HERC3: variants seen among roughly 807,000 people sequenced by gnomAD.
HERC3 encodes the protein HECT and RLD domain containing E3 ubiquitin protein ligase 3.
A neutral mutation model predicts 129.9 loss-of-function variants in HERC3; 58 were observed. The ratio of observed to expected loss-of-function variants is 0.45; its 90% CI spans 0.36 to 0.56. HERC3 has a LOEUF of 0.56. Among genes scored for constraint, HERC3 ranks in the 20% least tolerant of loss-of-function variants. The pLI is 0.00. For missense variants in HERC3, 835 were observed against 1,244.2 expected (o/e 0.67, Z 4.95); for synonymous variants, 430 against 451.0 (o/e 0.95, Z 0.59).
At chr4:88,649,703 T>G (rs755304315) in intron 3 of HERC3, 137 bp from the exon 4 acceptor site, 62 of 701,020 alleles carry the variant, frequency 8.8e-5, no homozygotes, top group Non-Finnish European at 1.4e-4. Flanking sequence ...TATGTGAAAT[T>G]TATAATCTCT....
chr4:88,593,175 C>A (rs548795623), intron 1 of HERC3: 24 of 152,266 alleles, frequency 1.6e-4, no homozygotes, highest in African/African-American at 5.8e-4. Flanking sequence ...CCACCCACTT[C>A]GCGGAGGCCG....
intron 23 of HERC3, chr4:88,692,944 C>A: frequency 1.0e-6 from 1 of 985,176 alleles, no homozygotes; most frequent in African/African-American, 1.7e-5. Flanking sequence ...TCGTTTCAGG[C>A]TGACTAGGTA....
At chr4:88,640,611 G>C (rs962886507) in intron 3 of HERC3, among the ~76,000 whole-genome samples, 3 of 151,958 alleles carry the variant, frequency 2.0e-5, no homozygotes, top group Non-Finnish European at 4.4e-5. Flanking sequence ...AGGACAAATA[G>C]GTAATACATG....
chr4:88,566,646 G>GAACT, the HERC3 span, among the ~76,000 whole-genome samples: 4 of 152,158 alleles, frequency 2.6e-5, no homozygotes, highest in Non-Finnish European at 5.9e-5. Flanking sequence ...TCCTACTGAA[G>GAACT]AACTCCCTTT....
intron 3 of HERC3, among the ~76,000 whole-genome samples, chr4:88,647,737 G>T (rs544507183): frequency 1.3e-5 from 2 of 151,466 alleles, no homozygotes; most frequent in East Asian, 3.9e-4. Context: ...ACTGTGTTCA[G>T]GTTAAATAAC....
At chr4:88,643,346 T>C (rs1728338059) in intron 3 of HERC3, among the ~76,000 whole-genome samples, 1 of 152,246 alleles carries the variant, frequency 6.6e-6, no homozygotes, top group East Asian at 1.9e-4. Context: ...CAATTTCAGC[T>C]AAAATTCCAG....
At position 88,697,878 on chromosome 4, in the gene HERC3, C is replaced by T; in HGVS notation, c.2658-6220C>T. 5.2e-6 allele frequency: 7 copies of T among 1,341,760 alleles called. No homozygotes were observed. In the South Asian group the frequency reaches 7.4e-5, roughly 14 times the overall value. 83.1% of individuals were successfully genotyped at this position (1,341,760 alleles called of 1,614,324 possible). A position where few individuals can be genotyped will look rare whatever the true frequency, so the allele number is the denominator to read the frequency against. Reference sequence around the variant, plus strand: ...CGTGCGGCCGCGGGAATGACGTTGGCCGCGGCCCCGCCTCCTGCTTTCGCG... The same window carrying T: ...CGTGCGGCCGCGGGAATGACGTTGGTCGCGGCCCCGCCTCCTGCTTTCGCG... On this transcript the variant is annotated intron_variant, in intron 23 of 25. Coordinates refer to ENST00000402738, the MANE Select transcript of HERC3 (RefSeq NM_014606.3).
the HERC3 span, among the ~76,000 whole-genome samples, chr4:88,538,644 C>T: frequency 1.9e-4 from 29 of 151,390 alleles, no homozygotes; most frequent in Non-Finnish European, 2.5e-4. Flanking sequence ...CCTGGGTTCA[C>T]GCTATTCTCC....
At chr4:88,573,180 T>C in the HERC3 span, among the ~76,000 whole-genome samples, 3 of 152,244 alleles carry the variant, frequency 2.0e-5, no homozygotes, top group Admixed American at 6.5e-5. Flanking sequence ...CATCTGAATG[T>C]ATTCAAGATC....
the HERC3 span, among the ~76,000 whole-genome samples, chr4:88,528,396 C>T: frequency 3.3e-5 from 5 of 152,162 alleles, no homozygotes; most frequent in African/African-American, 1.2e-4. Flanking sequence ...AGCCACGTCT[C>T]TCAAGGTGGT....
rs1332912010 is a variant in HERC3, at chr4:88,592,549, C to G, written c.-113C>G. ...AGAGGGGCTGTGACAGTCGGAGTCC[C>G]AAGCTGCGGTTCGGCTGCTGCCGAG... On this transcript the variant is annotated 5_prime_UTR_variant, in exon 1 of 26. Transcript: ENST00000402738. 6.6e-6 allele frequency: 1 copy of G among 152,332 alleles called. No homozygotes were observed. Among genetic ancestry groups the G allele is most frequent in the Non-Finnish European group, 1.5e-5 (1 of 68,132 alleles). The allele number at this position is 152,332 out of a possible 1,614,324, so 9.4% of individuals were successfully genotyped here.
chr4:88,597,160 C>T (rs1722489540), intron 2 of HERC3, among the ~76,000 whole-genome samples: 1 of 152,142 alleles, frequency 6.6e-6, no homozygotes, highest in Non-Finnish European at 1.5e-5. Context: ...TCATGAGTTT[C>T]TCACTGCATT....
At position 88,707,073 on chromosome 4, in the gene HERC3, C is replaced by T. The variant is rs1013204543; in HGVS notation, c.*113C>T. ...TTTTTATTGTCTAAGTGGGTTGGGACTTTTAAATACTGAGCCTGGTTGATG... is the reference window on the plus strand; with the variant it reads ...TTTTTATTGTCTAAGTGGGTTGGGATTTTTAAATACTGAGCCTGGTTGATG... On this transcript the variant is annotated 3_prime_UTR_variant, in exon 26 of 26. Transcript: ENST00000402738. The T allele has an allele frequency of 1.3e-6, 1 of 784,246 alleles. No individual in the cohort carries two copies. Among genetic ancestry groups the T allele is most frequent in the Non-Finnish European group, 2.1e-6 (1 of 479,116 alleles). 48.6% of individuals were successfully genotyped at this position (784,246 alleles called of 1,614,324 possible). A position where few individuals can be genotyped will look rare whatever the true frequency, so the allele number is the denominator to read the frequency against.
chr4:88,704,431 C>G, intron 24 of HERC3, 77 bp from the exon 25 acceptor site: 3 of 1,227,018 alleles, frequency 2.4e-6, no homozygotes, highest in Non-Finnish European at 3.6e-6. Flanking sequence ...TTCTTAGCCT[C>G]AAATGCAAAT....
At chr4:88,640,977 G>C (rs961277347) in intron 3 of HERC3, among the ~76,000 whole-genome samples, 1 of 152,070 alleles carries the variant, frequency 6.6e-6, no homozygotes, top group African/African-American at 2.4e-5. Flanking sequence ...GATATTTATC[G>C]AACATTCTAT....
intron 11 of HERC3, 62 bp downstream of exon 11, chr4:88,662,617 T>G: frequency 6.5e-7 from 1 of 1,536,360 alleles, no homozygotes; most frequent in Non-Finnish European, 8.8e-7. Flanking sequence ...TTTAGCTTAG[T>G]GTGATTTTCC....
rs761552135 is a variant in HERC3, at chr4:88,687,282, T to G, written c.2640T>G (p.Thr880=). The change falls in exon 23 of 26, where the codon ACT becomes ACG. Residue 880 remains threonine, a synonymous_variant. Transcript: ENST00000402738. ...TGATACCTGGGGGAGATAATGTAAC[T>G]GTGTGCAAGGATAACAGGTTAGTCC... ...KKLIPGGDNV[T]VCKDNRQEFV... The G allele has an allele frequency of 4.3e-6, 7 of 1,611,712 alleles. No individual in the cohort carries two copies. The highest frequency in any genetic ancestry group is 1.1e-5 in the South Asian group (1 of 90,990).
rs1732175330 is a variant in HERC3, at chr4:88,676,480, T to G, written c.2025+57T>G. On this transcript the variant is annotated intron_variant, in intron 18 of 25. Transcript: ENST00000402738. ...TACTGTGTTTCTCCCATTCTAGACA[T>G]TCAGTTGTAATTTTTTCTAGTAGGA... 4.1e-6 allele frequency: 5 copies of G among 1,215,978 alleles called. No individual in the cohort carries two copies. In the South Asian group the frequency reaches 5.1e-5, roughly 12 times the overall value. The allele number at this position is 1,215,978 out of a possible 1,614,324, so 75.3% of individuals were successfully genotyped here.
At chr4:88,598,399 C>A (rs543246534) in intron 2 of HERC3, among the ~76,000 whole-genome samples, 4 of 152,296 alleles carry the variant, frequency 2.6e-5, no homozygotes, top group Admixed American at 1.3e-4. Flanking sequence ...AACCTCAAAT[C>A]CCTTTCATGA....
Sources: allele counts gnomAD v4.1 joint callset (sites outside exome capture counted in the v4.1 genomes callset), GRCh38; gene constraint gnomAD v4.1.1; transcripts MANE v1.5; gene names NCBI Gene and HGNC (gene_info 2026-07-23, HGNC 2026-07-21).